ARHGAP4: variants seen among roughly 807,000 people sequenced by gnomAD.
ARHGAP4 encodes the protein rho GTPase-activating protein 4.
ARHGAP4 carries 25 observed loss-of-function variants against 67.6 expected under a neutral mutation model. That is an observed-to-expected ratio of 0.37 (90% CI 0.27 to 0.52). The LOEUF (loss-of-function observed/expected upper bound fraction) is 0.52, where lower values mean the gene tolerates loss of function less well. Among genes scored for constraint, ARHGAP4 ranks in the 20% least tolerant of loss-of-function variants. The pLI is 0.92. For missense variants in ARHGAP4, 804 were observed against 854.6 expected, an observed-to-expected ratio of 0.94 and a Z score of 0.74; for synonymous variants, 448 against 373.7, an observed-to-expected ratio of 1.20 and a Z score of -2.29.
chrX:153,916,687 AAACT>A (rs781871714), intron 7 of ARHGAP4, among the ~76,000 whole-genome samples: 3 of 113,521 alleles, frequency 2.6e-5, no homozygotes, highest in Admixed American at 9.2e-5. Context: ...GATCAGCAGA[AAACT>A]AACTATTTGC....
intron 1 of ARHGAP4, among the ~76,000 whole-genome samples, chrX:153,922,896 A>G (rs1270505469): frequency 9.4e-6 from 1 of 106,666 alleles, no homozygotes; most frequent in African/African-American, 3.4e-5. Flanking sequence ...AATGCCCAGG[A>G]GTGATGGGTG....
intron 16 of ARHGAP4, 33 bp from the exon 17 acceptor site, chrX:153,910,437 C>T: frequency 8.5e-7 from 1 of 1,181,810 alleles, no homozygotes; most frequent in Non-Finnish European, 1.1e-6. Context: ...AGCAGAGAGC[C>T]CGCACCCCGA....
rs1557105189 is a variant in ARHGAP4 at position 153,921,099 on chromosome X, T to C, written c.496A>G (p.Thr166Ala). 8.3e-7 allele frequency: 1 copy of C among 1,201,265 alleles called. No individual in the cohort carries two copies. The highest frequency in any genetic ancestry group is 1.7e-5 in the African/African-American group (1 of 57,224). Residue 166 changes from threonine to alanine, a missense_variant and splice_region_variant, in exon 4 of 22, where the codon ACG (threonine) becomes GCG (alanine). This residue lies in a region of ARHGAP4 where 404 missense variants were observed against 505.9 expected (regional missense o/e 0.80). Coordinates refer to ENST00000350060, the MANE Select transcript of ARHGAP4 (RefSeq NM_001666.5). ...ELLEVVSELQTAKKTYQAYHM... is the reference protein window; with the variant it reads ...ELLEVVSELQAAKKTYQAYHM... The stretch of plus-strand genomic sequence containing the variant: ...CCCCTCCCCAGCCCTTTCCTCACCG[T>C]CTGGAGCTCTGAGACCACCTCCAGG...
chrX:153,908,987 G>C, intron 21 of ARHGAP4, 83 bp downstream of exon 21: 1 of 1,021,789 alleles, frequency 9.8e-7, no homozygotes, highest in South Asian at 1.9e-5. Flanking sequence ...CTGGAACCTC[G>C]AGGAGGGAGG....
chrX:153,923,052 T>G (rs2065105980), intron 1 of ARHGAP4, among the ~76,000 whole-genome samples: 1 of 108,717 alleles, frequency 9.2e-6, no homozygotes, highest in African/African-American at 3.4e-5. Flanking sequence ...GTAGGGGGAG[T>G]CCGAGAGACC....
chrX:153,910,881 C>A, intron 14 of ARHGAP4, 41 bp downstream of exon 14: 1 of 1,169,376 alleles, frequency 8.6e-7, no homozygotes, highest in Non-Finnish European at 1.1e-6. Flanking sequence ...CTGGTGACAT[C>A]TGCCCGAGCC....
chrX:153,910,749 C>G lies in ARHGAP4; in HGVS notation c.1767G>C (p.Glu589Asp). Reference sequence around the variant, plus strand: ...ACAGGTCTGGGGGGAAGAGTGGGGGCTCCAGGCTCCGGAAGTAGAGCTTCA... The same window carrying G: ...ACAGGTCTGGGGGGAAGAGTGGGGGGTCCAGGCTCCGGAAGTAGAGCTTCA... ...GVLKLYFRSL[E>D]PPLFPPDLFG... Residue 589 changes from glutamate (E) to aspartate (D), a missense_variant, in exon 15 of 22, where the codon GAG becomes GAC. Around this residue, in one of 2 missense-constraint regions of ARHGAP4, gnomAD observed 400 missense variants for 348.7 expected, o/e 1.15. Coordinates refer to ENST00000350060, the MANE Select transcript of ARHGAP4 (RefSeq NM_001666.5). 1.5e-5 allele frequency: 18 copies of G among 1,192,271 alleles called. No individual in the cohort carries two copies. The highest frequency in any genetic ancestry group is 1.9e-5 in the Non-Finnish European group (17 of 885,685).
chrX:153,909,206 G>T, intron 20 of ARHGAP4, 37 bp from the exon 21 acceptor site: 1 of 1,139,508 alleles, frequency 8.8e-7, no homozygotes, highest in Admixed American at 2.4e-5. Flanking sequence ...GGGGCCCTGG[G>T]AAGTCCCTGA....
At chrX:153,922,142 G>A (rs2065099990) in intron 1 of ARHGAP4, 3 of 936,946 alleles carry the variant, frequency 3.2e-6, no homozygotes, top group Non-Finnish European at 4.0e-6. Flanking sequence ...TTGGCTTCCT[G>A]TCTCTCCCTC....
rs782021903 is a variant in ARHGAP4, at chrX:153,921,156, T to C, written c.439A>G (p.Arg147Gly). ...TCCTGCAGCTGCTGCTCCAGATCCC[T>C]GCTCTAGAGGCAGAGGCAAGGGTGA... ...EDVGRLVKKS[R>G]DLEQQLQDEL... is the part of the protein sequence containing the mutation. The change falls in exon 4 of 22, where the codon AGG (arginine) becomes GGG (glycine). Residue 147 changes from arginine (R) to glycine (G), a missense_variant. Physicochemically the swap from Arg to Gly is moderately radical, Grantham distance 125. This residue lies in a region of ARHGAP4 where 404 missense variants were observed against 505.9 expected (regional missense o/e 0.80). Coordinates refer to ENST00000350060, the MANE Select transcript of ARHGAP4 (RefSeq NM_001666.5). 8.3e-7 allele frequency: 1 copy of C among 1,200,555 alleles called. No individual in the cohort carries two copies. Among genetic ancestry groups the C allele is most frequent in the East Asian group, 3.0e-5 (1 of 33,386 alleles).
chrX:153,924,078 C>A (rs2065112399), intron 1 of ARHGAP4, among the ~76,000 whole-genome samples: 1 of 112,012 alleles, frequency 8.9e-6, no homozygotes, highest in African/African-American at 3.3e-5. Context: ...CACGCCTGGC[C>A]CAGTTTAACA....
intron 7 of ARHGAP4, among the ~76,000 whole-genome samples, chrX:153,914,440 A>G (rs190048382): frequency 2.7e-5 from 3 of 112,883 alleles, no homozygotes; most frequent in African/African-American, 9.6e-5. Context: ...TCACGCCTCT[A>G]ATCCAAGCAC....
At position 153,911,143 on chromosome X, in the gene ARHGAP4, A is replaced by C. The variant is rs2065018117; in HGVS notation, c.1589T>G (p.Phe530Cys). ...VPLVVESCIR[F>C]INLNGLQHEG... ...GTCCTGCTTACCATTGAGGTTGATG[A>C]AGCGAATGCAGCTCTCCACCACCAG... Residue 530 changes from phenylalanine to cysteine, a missense_variant, in exon 13 of 22, where the codon TTC becomes TGC. Physicochemically the swap from Phe to Cys is radical, Grantham distance 205 (BLOSUM62 -2). Transcript: ENST00000350060. 3 of 1,167,876 alleles carry C rather than the reference A, an allele frequency of 2.6e-6. No homozygotes were observed. Among genetic ancestry groups the C allele is most frequent in the Non-Finnish European group, 3.4e-6 (3 of 873,741 alleles).
chrX:153,907,421 C>T lies in ARHGAP4; in HGVS notation c.*308G>A. On this transcript the variant is annotated 3_prime_UTR_variant, in exon 22 of 22. Coordinates refer to ENST00000350060, the MANE Select transcript of ARHGAP4 (RefSeq NM_001666.5). ...CTTTATGAATCGCCACCCAGCCCTG[C>T]CAGGCATCTGAGCAAGGGTACCCGC... 1 of 324,440 alleles carries T rather than the reference C, an allele frequency of 3.1e-6. No homozygotes were observed. The allele number at this position is 324,440 out of a possible 1,213,427, so 26.7% of individuals were successfully genotyped here.
intron 1 of ARHGAP4, among the ~76,000 whole-genome samples, chrX:153,923,530 C>A (rs2065108801): frequency 8.9e-6 from 1 of 112,229 alleles, no homozygotes; most frequent in Non-Finnish European, 1.9e-5. Flanking sequence ...GGAGCCTGAC[C>A]CTTCCAATTG....
chrX:153,922,482 C>T, intron 1 of ARHGAP4: 1 of 696,195 alleles, frequency 1.4e-6, no homozygotes, highest in Non-Finnish European at 1.7e-6. Flanking sequence ...CCTGTGCATT[C>T]CCCCACCCTG....
chrX:153,910,779 C>T lies in ARHGAP4; in HGVS notation c.1737G>A (p.Gly579=), dbSNP rs1446165802. The change falls in exon 15 of 22, where the codon GGG becomes GGA. Residue 579 remains glycine (G), a synonymous_variant. Transcript: ENST00000350060. Reference sequence around the variant, plus strand: ...GGCTCCGGAAGTAGAGCTTCAGCACCCCGGCCACCGAGTCCAGGTCATGGG... The same window carrying T: ...GGCTCCGGAAGTAGAGCTTCAGCACTCCGGCCACCGAGTCCAGGTCATGGG... ...CTAHDLDSVA[G]VLKLYFRSLE... is the part of the protein sequence containing the mutation. 8.4e-7 allele frequency: 1 copy of T among 1,191,835 alleles called. No homozygotes were observed. The highest frequency in any genetic ancestry group is 1.1e-6 in the Non-Finnish European group (1 of 885,230).
At chrX:153,922,979 G>A (rs1557105643) in intron 1 of ARHGAP4, among the ~76,000 whole-genome samples, 1 of 110,932 alleles carries the variant, frequency 9.0e-6, no homozygotes, top group East Asian at 2.8e-4. Flanking sequence ...CTTTTTAAAG[G>A]AGGGTGGTCA....
chrX:153,911,041 C>G (rs1217959230), intron 13 of ARHGAP4, 42 bp from the exon 14 acceptor site: 1 of 1,162,029 alleles, frequency 8.6e-7, no homozygotes, highest in Non-Finnish European at 1.1e-6. Flanking sequence ...AGCATCTTCC[C>G]CAGCCCCTCC....
Sources: allele counts gnomAD v4.1 joint callset (sites outside exome capture counted in the v4.1 genomes callset), GRCh38; gene constraint gnomAD v4.1.1; regional missense constraint gnomAD v4.1.1; transcripts MANE v1.5; gene names NCBI Gene and HGNC (gene_info 2026-07-23, HGNC 2026-07-21).